The following MAK variants were observed in gnomAD, a reference collection of about 807,000 sequenced individuals.
MAK encodes male germ cell associated kinase.
In MAK, 65 loss-of-function variants were observed where a neutral mutation model predicts 82.6. The ratio of observed to expected loss-of-function variants is 0.79; its 90% confidence interval spans 0.64 to 0.97. The LOEUF is 0.97. Ranked by LOEUF, MAK falls within the 50% of genes least tolerant of loss-of-function variation. The pLI is 0.00. For synonymous variants in MAK, 250 were observed against 274.2 expected, an observed-to-expected ratio of 0.91 and a Z score of 0.87; for missense variants, 703 against 780.2, an observed-to-expected ratio of 0.90 and a Z score of 1.18.
intron 14 of MAK, among the ~76,000 whole-genome samples, chr6:10,769,247 A>G (rs1347312897): frequency 6.6e-6 from 1 of 152,172 alleles, no homozygotes; most frequent in African/African-American, 2.4e-5. Context: ...AAATTAAACT[A>G]CAATTAGGTA....
At chr6:10,791,237 T>C (rs1222437718) in intron 10 of MAK, among the ~76,000 whole-genome samples, 1 of 152,182 alleles carries the variant, frequency 6.6e-6, no homozygotes, top group Admixed American at 6.5e-5. Context: ...TTGTGTTTTG[T>C]GGAAGGCACC....
At chr6:10,798,354 C>T (rs1182256544) in intron 8 of MAK, among the ~76,000 whole-genome samples, 1 of 152,030 alleles carries the variant, frequency 6.6e-6, no homozygotes, top group East Asian at 1.9e-4. Context: ...ACCTCGTGAT[C>T]CGCCCACCTT....
chr6:10,803,589 A>G (rs951750013), intron 7 of MAK, 131 bp downstream of exon 7: 2 of 709,680 alleles, frequency 2.8e-6, no homozygotes, highest in Non-Finnish European at 2.4e-6. Context: ...TTAAAGTATG[A>G]GCCTATTTCA....
chr6:10,776,814 C>T lies in MAK; in HGVS notation c.1466-1355G>A, dbSNP rs949319243. Among the ~76,000 whole-genome samples the T allele has an allele frequency of 4.6e-5, 7 of 152,186 alleles. No homozygotes were observed. Among genetic ancestry groups the T allele is most frequent in the Non-Finnish European group, 7.4e-5 (5 of 67,998 alleles). On this transcript the variant is annotated intron_variant, in intron 11 of 14. Transcript: ENST00000354489. The surrounding 1 kb of genome is among the most constrained non-coding windows in gnomAD (Gnocchi z 4.3). ...ATTATAGGCAACTACCAGCTGGGTG[C>T]GGTGGCTCATGCCTGTAATCCCAGC...
At position 10,793,590 on chromosome 6, in the gene MAK, G is replaced by T. The variant is rs140962402; in HGVS notation, c.1144-1743C>A. Among the ~76,000 whole-genome samples the T allele has an allele frequency of 1.3e-5, 2 of 152,186 alleles. No individual in the cohort carries two copies. The highest frequency in any genetic ancestry group is 1.5e-5 in the Non-Finnish European group (1 of 68,018). ...AATATGCAATTTAGGAGAAGCATTTGTGAAAAAACAGGTATACTTAGAAAT... is the reference window on the plus strand; with the variant it reads ...AATATGCAATTTAGGAGAAGCATTTTTGAAAAAACAGGTATACTTAGAAAT... On this transcript the variant is annotated intron_variant, in intron 9 of 14. Transcript: ENST00000354489. The surrounding 1 kb of genome is among the most constrained non-coding windows in gnomAD (Gnocchi z 4.6).
rs1007040142 is a variant in MAK, at chr6:10,781,421, A to ATT, written c.1465+3001_1465+3002dup. ...ATACAGACTTCAAGGTCAAAAGTAG[A>ATT]TTTTTTTTTTTTTTTTTTTTGAGAC... is the stretch of plus-strand genomic sequence containing the variant. On this transcript the variant is annotated intron_variant, in intron 11 of 14. Transcript: ENST00000354489. 1.2e-3 allele frequency among the ~76,000 whole-genome samples: 157 copies of ATT among 134,430 alleles called. 1 individual carries two copies. Among genetic ancestry groups the ATT allele is most frequent in the African/African-American group, 3.5e-3 (124 of 35,310 alleles). The allele number at this position is 134,430 out of a possible 152,430, so 88.2% of individuals were successfully genotyped here.
At chr6:10,806,484 G>A (rs1479078781) in intron 6 of MAK, among the ~76,000 whole-genome samples, 1 of 148,268 alleles carries the variant, frequency 6.7e-6, no homozygotes, top group Non-Finnish European at 1.5e-5. Flanking sequence ...GACTACAGGT[G>A]CCCGCCACCA....
intron 13 of MAK, among the ~76,000 whole-genome samples, chr6:10,770,790 C>G (rs1042088389): frequency 6.6e-6 from 1 of 152,112 alleles, no homozygotes; most frequent in Non-Finnish European, 1.5e-5. Context: ...GGTGAATGCT[C>G]AATCTGGCGT....
chr6:10,818,699 A>G (rs936937319), intron 3 of MAK, among the ~76,000 whole-genome samples, 187 bp downstream of exon 3: 15 of 152,112 alleles, frequency 9.9e-5, no homozygotes, highest in African/African-American at 3.6e-4. Context: ...AAATGTGAGG[A>G]TATAATTATA....
At chr6:10,831,682 G>T (rs748512144) in intron 1 of MAK, among the ~76,000 whole-genome samples, 1 of 152,056 alleles carries the variant, frequency 6.6e-6, no homozygotes, top group Non-Finnish European at 1.5e-5. Flanking sequence ...GGAGTTCAAG[G>T]TTACAGTGAG....
intron 2 of MAK, among the ~76,000 whole-genome samples, chr6:10,826,901 C>A (rs1313248656): frequency 2.0e-5 from 3 of 152,070 alleles, no homozygotes; most frequent in Admixed American, 2.0e-4. Flanking sequence ...CACCTGAGGT[C>A]GGGAGTTCGA....
intron 2 of MAK, among the ~76,000 whole-genome samples, chr6:10,825,933 G>C (rs144804505): frequency 2.8e-4 from 42 of 152,216 alleles, no homozygotes; most frequent in Non-Finnish European, 5.1e-4. Context: ...CTGGCCACCT[G>C]GTGTCCAGTC....
At position 10,817,954 on chromosome 6, in the gene MAK, A is replaced by C. The variant is rs371263215; in HGVS notation, c.174T>G (p.Asn58Lys). The C allele has an allele frequency of 4.2e-4, 611 of 1,440,886 alleles. 2 individuals carry two copies. Among genetic ancestry groups the C allele is most frequent in the Non-Finnish European group, 5.7e-4 (596 of 1,043,858 alleles). 89.3% of individuals were successfully genotyped at this position (1,440,886 alleles called of 1,614,324 possible). Residue 58 changes from asparagine to lysine, a missense_variant, in exon 4 of 15, where the codon AAT becomes AAG. Physicochemically the swap from Asn to Lys is moderately conservative, Grantham distance 94. Transcript: ENST00000354489. The stretch of plus-strand genomic sequence containing the variant: ...CTTTCAATTTAATAACATTGGCATG[A>C]TTAAGTTTCTTCAGAGACTGAAAAA... ...LREVKSLKKLNHANVIKLKEV... is the reference protein window; with the variant it reads ...LREVKSLKKLKHANVIKLKEV...
chr6:10,820,070 C>A (rs750178661), intron 2 of MAK, among the ~76,000 whole-genome samples: 2 of 151,864 alleles, frequency 1.3e-5, no homozygotes, highest in Non-Finnish European at 2.9e-5. Context: ...CGAGATCGCG[C>A]CACTGCACTC....
At position 10,800,898 on chromosome 6, in the gene MAK, G is replaced by A. The variant is rs1286147361; in HGVS notation, c.831+994C>T. ...GTTGTAAAGTATGGTGAGCAGTAAG[G>A]ACCTCAATTTATTTTTTTCCCTAAG... On this transcript the variant is annotated intron_variant, in intron 8 of 14. Transcript: ENST00000354489. The surrounding 1 kb of genome is among the most constrained non-coding windows in gnomAD (Gnocchi z 4.2). Among the ~76,000 whole-genome samples the A allele has an allele frequency of 1.3e-5, 2 of 152,028 alleles. No individual in the cohort carries two copies. The highest frequency in any genetic ancestry group is 4.8e-5 in the African/African-American group (2 of 41,346).
chr6:10,800,127 G>C lies in MAK; in HGVS notation c.831+1765C>G, dbSNP rs7746520. On this transcript the variant is annotated intron_variant, in intron 8 of 14. Transcript: ENST00000354489. The surrounding 1 kb of genome is among the most constrained non-coding windows in gnomAD (Gnocchi z 4.2). ...ACAAAAATACAAAAATAAGCCAAGC[G>C]TGGTGGCGGGCACCTGCAATCCCAG... 0.036 allele frequency among the ~76,000 whole-genome samples: 5,395 copies of C among 151,964 alleles called. 255 individuals are homozygous for C. The highest frequency in any genetic ancestry group is 0.12 in the African/African-American group (4,979 of 41,438).
At chr6:10,828,252 A>T (rs1386965314) in intron 2 of MAK, among the ~76,000 whole-genome samples, 1 of 152,194 alleles carries the variant, frequency 6.6e-6, no homozygotes, top group Admixed American at 6.5e-5. Context: ...TTGATGTGGT[A>T]ATGTGGAGAT....
intron 13 of MAK, among the ~76,000 whole-genome samples, chr6:10,771,263 T>C (rs1300980172): frequency 1.3e-5 from 2 of 151,654 alleles, no homozygotes; most frequent in Non-Finnish European, 1.5e-5. Context: ...AAGGACCTCA[T>C]GGAGGAAGAG....
At chr6:10,775,502 ATAAACT>A (rs1336848362) in intron 11 of MAK, 43 bp from the exon 12 acceptor site, 1 of 1,601,950 alleles carries the variant, frequency 6.2e-7, no homozygotes, top group Non-Finnish European at 8.5e-7. Flanking sequence ...AGAGCAGATC[ATAAACT>A]TAAAGGAAAC....
Sources: gnomAD v4.1 joint callset for allele counts (sites outside exome capture counted in the v4.1 genomes callset) on GRCh38, gnomAD v4.1.1 for gene constraint, Gnocchi (gnomAD v3.1) non-coding constraint, MANE v1.5 for transcripts, NCBI Gene and HGNC (gene_info 2026-07-23, HGNC 2026-07-21) for gene names.